GHR: variants seen among roughly 807,000 people sequenced by gnomAD.
GHR encodes growth hormone receptor.
In GHR, 35 loss-of-function variants were observed where a neutral mutation model predicts 67.1. The ratio of observed to expected loss-of-function variants is 0.52; its 90% CI spans 0.40 to 0.69. The LOEUF (loss-of-function observed/expected upper bound fraction) is 0.69, where lower values mean the gene tolerates loss of function less well. Ranked by LOEUF, GHR falls within the 30% of genes least tolerant of loss-of-function variation. The pLI is 0.00. For missense variants in GHR, 792 were observed against 764.6 expected (o/e 1.04, Z -0.42); for synonymous variants, 272 against 269.1 (o/e 1.01, Z -0.10).
chr5:42,465,338 C>A, intron 1 of GHR: 1 of 755,178 alleles, frequency 1.3e-6, no homozygotes, highest in Non-Finnish European at 2.3e-6. Context: ...TCTTTATTTT[C>A]AGTTATTACC....
intron 2 of GHR, among the ~76,000 whole-genome samples, chr5:42,572,489 T>C (rs1750383865): frequency 6.6e-6 from 1 of 152,200 alleles, no homozygotes; most frequent in Admixed American, 6.5e-5. Context: ...ATGTGTAACA[T>C]AAACACACTT....
At chr5:42,503,609 C>T (rs962891496) in intron 1 of GHR, among the ~76,000 whole-genome samples, 4 of 152,098 alleles carry the variant, frequency 2.6e-5, no homozygotes, top group Non-Finnish European at 4.4e-5. Context: ...CCACAATGAA[C>T]AAAACAGAGT....
chr5:42,556,389 G>C (rs984441538), intron 1 of GHR, among the ~76,000 whole-genome samples: 1 of 151,972 alleles, frequency 6.6e-6, no homozygotes, highest in African/African-American at 2.4e-5. Flanking sequence ...TTTAGATTAG[G>C]TAAAACAAAA....
chr5:42,600,401 A>G (rs1752313558), intron 2 of GHR, among the ~76,000 whole-genome samples: 1 of 152,222 alleles, frequency 6.6e-6, no homozygotes, highest in Admixed American at 6.5e-5. Context: ...TGGCTCTGGA[A>G]TGCCCTTTTA....
At chr5:42,586,069 C>G (rs1487314008) in intron 2 of GHR, among the ~76,000 whole-genome samples, 1 of 152,154 alleles carries the variant, frequency 6.6e-6, no homozygotes, top group African/African-American at 2.4e-5. Context: ...AAGTCCAAAA[C>G]TATGGCACAC....
chr5:42,563,854 G>C (rs1295952340), intron 1 of GHR, among the ~76,000 whole-genome samples: 1 of 152,030 alleles, frequency 6.6e-6, no homozygotes, highest in Non-Finnish European at 1.5e-5. Context: ...TTACCAACAG[G>C]ATGGCATTTT....
At chr5:42,468,153 A>G in intron 1 of GHR, 1 of 1,314,478 alleles carries the variant, frequency 7.6e-7, no homozygotes, top group Non-Finnish European at 1.1e-6. Context: ...CTTCTGATCC[A>G]TCAAGGCCTG....
intron 2 of GHR, among the ~76,000 whole-genome samples, chr5:42,578,694 T>C (rs1182091861): frequency 6.6e-6 from 1 of 152,124 alleles, no homozygotes; most frequent in East Asian, 1.9e-4. Context: ...ATTCATGTAG[T>C]TTTTAAATCT....
chr5:42,447,790 C>T (rs1408065101), intron 1 of GHR, among the ~76,000 whole-genome samples: 1 of 145,794 alleles, frequency 6.9e-6, no homozygotes, highest in African/African-American at 2.5e-5. Context: ...TTTCCTCTTT[C>T]TCTAGCCCTG....
intron 1 of GHR, among the ~76,000 whole-genome samples, chr5:42,452,584 G>A (rs1744095880): frequency 6.6e-6 from 1 of 151,998 alleles, no homozygotes; most frequent in Non-Finnish European, 1.5e-5. Context: ...TGGAAACTTT[G>A]TTCATTTTTA....
intron 1 of GHR, among the ~76,000 whole-genome samples, chr5:42,497,001 G>A (rs1746348750): frequency 6.6e-6 from 1 of 152,160 alleles, no homozygotes; most frequent in African/African-American, 2.4e-5. Flanking sequence ...CCAGGAGTGA[G>A]GGGCCTTCCA....
intron 1 of GHR, among the ~76,000 whole-genome samples, chr5:42,551,225 C>T (rs1360064921): frequency 6.6e-6 from 1 of 152,166 alleles, no homozygotes; most frequent in Non-Finnish European, 1.5e-5. Flanking sequence ...GCACCAAGAG[C>T]TCATCTGTTA....
chr5:42,495,162 T>C (rs760243386), intron 1 of GHR, among the ~76,000 whole-genome samples: 1 of 151,958 alleles, frequency 6.6e-6, no homozygotes, highest in Non-Finnish European at 1.5e-5. Context: ...TTCTTATAAG[T>C]AAGCAAGAAA....
chr5:42,464,055 C>A (rs1410637268), intron 1 of GHR, among the ~76,000 whole-genome samples: 20 of 123,808 alleles, frequency 1.6e-4, no homozygotes, highest in African/African-American at 2.1e-4. Context: ...TTGATATTAC[C>A]AAAAAAAAAA....
At position 42,542,388 on chromosome 5, in the gene GHR, G is replaced by A. The variant is rs181298866; in HGVS notation, c.-11-23476G>A. On this transcript the variant is annotated intron_variant, in intron 1 of 9. Coordinates refer to ENST00000230882, the MANE Select transcript of GHR (RefSeq NM_000163.5). ...TTCCATTGATGTAGTGGAGATTAAA[G>A]CCTGATTTCAATAAGTTTAAGAAAT... Among the ~76,000 whole-genome samples the A allele has an allele frequency of 7.6e-3, 1,156 of 152,288 alleles. 9 individuals carry two copies. Among genetic ancestry groups the A allele is most frequent in the Non-Finnish European group, 9.0e-3 (612 of 68,008 alleles).
intron 1 of GHR, among the ~76,000 whole-genome samples, chr5:42,483,244 G>A (rs961657434): frequency 6.6e-6 from 1 of 152,086 alleles, no homozygotes; most frequent in Non-Finnish European, 1.5e-5. Context: ...TAGAGCTGGG[G>A]TTTTGCCATG....
intron 1 of GHR, among the ~76,000 whole-genome samples, chr5:42,480,165 A>T (rs919121772): frequency 6.6e-6 from 1 of 152,172 alleles, no homozygotes; most frequent in Admixed American, 6.5e-5. Flanking sequence ...ATTCAGGAGC[A>T]GGTTGTTCAG....
intron 1 of GHR, among the ~76,000 whole-genome samples, chr5:42,456,370 G>A (rs537782235): frequency 7.2e-5 from 11 of 152,220 alleles, no homozygotes; most frequent in African/African-American, 2.4e-4. Context: ...GAAAGCAGAG[G>A]TATTTTTAAA....
intron 2 of GHR, among the ~76,000 whole-genome samples, chr5:42,604,889 C>T (rs1464589138): frequency 2.0e-5 from 3 of 152,038 alleles, no homozygotes; most frequent in East Asian, 3.9e-4. Context: ...AATCAGTTAC[C>T]TCCATTTCAT....
Sources: allele counts gnomAD v4.1 joint callset (sites outside exome capture counted in the v4.1 genomes callset), GRCh38; gene constraint gnomAD v4.1.1; transcripts MANE v1.5; gene names NCBI Gene and HGNC (gene_info 2026-07-23, HGNC 2026-07-21).